The following DAZAP1 variants were observed in gnomAD, a reference collection of about 807,000 sequenced individuals.
DAZAP1 encodes the protein DAZ-associated protein 1.
DAZAP1 carries 6 observed loss-of-function variants against 60.1 expected under a neutral mutation model. The observed-to-expected ratio is 0.10, with a 90% confidence interval of 0.05 to 0.20. DAZAP1 has a LOEUF of 0.20. Ranked by LOEUF, DAZAP1 falls within the 10% of genes least tolerant of loss-of-function variation. The pLI, the probability that DAZAP1 is intolerant of heterozygous loss-of-function variation, is 1.00. For synonymous variants in DAZAP1, 235 were observed against 215.9 expected (o/e 1.09, Z -0.78); for missense variants, 366 against 560.4 (o/e 0.65, Z 3.50).
In DAZAP1 at chr19:1,411,124, C is replaced by T. The variant is rs556296105; in HGVS notation, c.29+3322C>T. On this transcript the variant is annotated intron_variant, in intron 1 of 11. Coordinates refer to ENST00000233078, the MANE Select transcript of DAZAP1 (RefSeq NM_018959.4). ...GATTGTTGGTCAGGCCAGAGAGGGCCGTGATCTGGGGGAGGCTGTTGCAGT... is the reference window on the plus strand; with the variant it reads ...GATTGTTGGTCAGGCCAGAGAGGGCTGTGATCTGGGGGAGGCTGTTGCAGT... 2.0e-5 allele frequency among the ~76,000 whole-genome samples: 3 copies of T among 152,304 alleles called. No individual in the cohort carries two copies. In the South Asian group the frequency reaches 6.2e-4, roughly 32 times the overall value.
At chr19:1,429,541 G>A (rs963832087) in intron 8 of DAZAP1, among the ~76,000 whole-genome samples, 7 of 152,150 alleles carry the variant, frequency 4.6e-5, no homozygotes, top group African/African-American at 1.4e-4. Context: ...CCAGATGTAC[G>A]TCGTCCGGGT....
At chr19:1,408,566 G>T (rs1165498304) in intron 1 of DAZAP1, among the ~76,000 whole-genome samples, 1 of 152,246 alleles carries the variant, frequency 6.6e-6, no homozygotes, top group Admixed American at 6.5e-5. Context: ...GTCGGGAGGG[G>T]TTCGCAAACC....
At position 1,425,520 on chromosome 19, in the gene DAZAP1, TAGCGATGGA is replaced by T. The variant is rs1456709302; in HGVS notation, c.464-357_464-349del. Among the ~76,000 whole-genome samples, 2 of 152,222 alleles carry T rather than the reference TAGCGATGGA, an allele frequency of 1.3e-5. No homozygotes were observed. Among genetic ancestry groups the T allele is most frequent in the Non-Finnish European group, 2.9e-5 (2 of 68,036 alleles). On this transcript the variant is annotated intron_variant, in intron 6 of 11. Coordinates refer to ENST00000233078, the MANE Select transcript of DAZAP1 (RefSeq NM_018959.4). The surrounding 1 kb of genome is among the most constrained non-coding windows in gnomAD (Gnocchi z 5.4). ...CCCTGGGGGGCGCTTTGTCTGCCAG[TAGCGATGGA>T]GGCCCTCACCGTTCCCCTGTCTCCG... is the stretch of plus-strand genomic sequence containing the variant.
At chr19:1,414,589 AC>A (rs2082919909) in intron 1 of DAZAP1, among the ~76,000 whole-genome samples, 1 of 151,920 alleles carries the variant, frequency 6.6e-6, no homozygotes, top group Non-Finnish European at 1.5e-5. Context: ...TACTAAAAAT[AC>A]AAAAATTAGC....
chr19:1,409,458 C>G (rs1437328112), intron 1 of DAZAP1, among the ~76,000 whole-genome samples: 2 of 152,176 alleles, frequency 1.3e-5, no homozygotes, highest in African/African-American at 4.8e-5. Flanking sequence ...TGGAGGGGTC[C>G]CACCCACAGC....
At position 1,435,580 on chromosome 19, in the gene DAZAP1, G is replaced by C. The variant is rs983061065; in HGVS notation, c.*668G>C. 5 of 152,286 alleles carry C rather than the reference G, an allele frequency of 3.3e-5. No individual in the cohort carries two copies. The highest frequency in any genetic ancestry group is 6.5e-5 in the Admixed American group (1 of 15,290). 9.4% of individuals were successfully genotyped at this position (152,286 alleles called of 1,614,324 possible). On this transcript the variant is annotated 3_prime_UTR_variant, in exon 12 of 12. Coordinates refer to ENST00000233078, the MANE Select transcript of DAZAP1 (RefSeq NM_018959.4). ...CGTGGATCCCACGCAGCGCTGAACC[G>C]AACCGAGTAGGAAGCCTTTCTCCCC...
rs1201170293 is a variant in DAZAP1 at position 1,434,913 on chromosome 19, C to G, written c.*1C>G. 8.3e-6 allele frequency: 12 copies of G among 1,452,254 alleles called. No individual in the cohort carries two copies. The highest frequency in any genetic ancestry group is 5.4e-6 in the Non-Finnish European group (6 of 1,101,402). 90.0% of individuals were successfully genotyped at this position (1,452,254 alleles called of 1,614,324 possible). On this transcript the variant is annotated 3_prime_UTR_variant, in exon 12 of 12. Coordinates refer to ENST00000233078, the MANE Select transcript of DAZAP1 (RefSeq NM_018959.4). The surrounding 1 kb of genome is among the most constrained non-coding windows in gnomAD (Gnocchi z 8.0). ...AGGGTTCCACCCCTACCGACGCTAG[C>G]CCGCGGCGCCGCGACGTCTGCACGG...
rs916358011 is a variant in DAZAP1 at position 1,432,400 on chromosome 19, G to T, written c.872-114G>T. 2.7e-5 allele frequency: 30 copies of T among 1,118,916 alleles called. No homozygotes were observed. Among genetic ancestry groups the T allele is most frequent in the Middle Eastern group, 2.0e-4 (1 of 5,050 alleles). The allele number at this position is 1,118,916 out of a possible 1,614,324, so 69.3% of individuals were successfully genotyped here. A position where few individuals can be genotyped will look rare whatever the true frequency, so the allele number is the denominator to read the frequency against. On this transcript the variant is annotated intron_variant, in intron 10 of 11. Transcript: ENST00000233078. This position sits in a 1 kb window ranked among gnomAD's most constrained non-coding sequence, Gnocchi z 4.9. ...TCCACAAGGCCTGGGCGTTCTGTGG[G>T]TTTGGGTGGCAGTCCCGTCTGGGCA...
chr19:1,433,826 A>G lies in DAZAP1; in HGVS notation c.1049-911A>G. On this transcript the variant is annotated intron_variant, in intron 11 of 11. Transcript: ENST00000233078. The surrounding 1 kb of genome is among the most constrained non-coding windows in gnomAD (Gnocchi z 6.1). The stretch of plus-strand genomic sequence containing the variant: ...GTCAGGCTGAGCAGTGATGTGGCCT[A>G]GGTAGGTGCCGCCTCCTTCTCCAGG... 2 of 1,613,572 alleles carry G rather than the reference A, an allele frequency of 1.2e-6. No individual in the cohort carries two copies. The highest frequency in any genetic ancestry group is 1.7e-6 in the Non-Finnish European group (2 of 1,179,632).
intron 7 of DAZAP1, chr19:1,427,274 G>A (rs2083327887): frequency 6.6e-6 from 1 of 152,342 alleles, no homozygotes; most frequent in Non-Finnish European, 1.5e-5. Context: ...GGCAGAAAGA[G>A]CTCTGTACAG....
In DAZAP1 at chr19:1,407,628, C is replaced by T. The variant is rs2082702006; in HGVS notation, c.-146C>T. 7.2e-6 allele frequency: 5 copies of T among 690,938 alleles called. No homozygotes were observed. The South Asian group carries it at 2.4e-4, about 34-fold the overall frequency. 42.8% of individuals were successfully genotyped at this position (690,938 alleles called of 1,614,324 possible). A position where few individuals can be genotyped will look rare whatever the true frequency, so the allele number is the denominator to read the frequency against. On this transcript the variant is annotated 5_prime_UTR_variant, in exon 1 of 12. Coordinates refer to ENST00000233078, the MANE Select transcript of DAZAP1 (RefSeq NM_018959.4). ...GCCGAGGGGAGGAGGCAGCCGCCGCCGCCGCCGCCGCCGCCGCCGCCGCCG... is the reference window on the plus strand; with the variant it reads ...GCCGAGGGGAGGAGGCAGCCGCCGCTGCCGCCGCCGCCGCCGCCGCCGCCG...
At chr19:1,408,606 G>A (rs1600171429) in intron 1 of DAZAP1, among the ~76,000 whole-genome samples, 2 of 152,212 alleles carry the variant, frequency 1.3e-5, no homozygotes, top group Admixed American at 6.5e-5. Context: ...GTCAGCCGGG[G>A]CCTGCTGTGT....
At chr19:1,427,512 G>A (rs777017179) in intron 7 of DAZAP1, 5 of 152,278 alleles carry the variant, frequency 3.3e-5, no homozygotes, top group Admixed American at 6.5e-5. Flanking sequence ...GTTTGGTACC[G>A]CGTGGTAGTT....
chr19:1,420,519 CAGG>C (rs1265075918), intron 4 of DAZAP1, among the ~76,000 whole-genome samples: 1 of 150,398 alleles, frequency 6.6e-6, no homozygotes, highest in Non-Finnish European at 1.5e-5. Context: ...TGGGTGGGGG[CAGG>C]AGGAGAGCAG....
Position 1,430,270 on chromosome 19 carries a change from C to CCCCCATAA in DAZAP1, c.779_780insCCCCATAA (p.Phe262IlefsTer76). The CCCCCATAA allele has an allele frequency of 7.3e-7, 1 of 1,368,650 alleles. No individual in the cohort carries two copies. Among genetic ancestry groups the CCCCCATAA allele is most frequent in the Non-Finnish European group, 1.0e-6 (1 of 979,204 alleles). The allele number at this position is 1,368,650 out of a possible 1,614,324, so 84.8% of individuals were successfully genotyped here. A position where few individuals can be genotyped will look rare whatever the true frequency, so the allele number is the denominator to read the frequency against. ...GGAAGAGGAGCCCCCCCGCCACCCC[C>CCCCCATAA]ACCGTTCACCTCCTACATCGTGTCC... On this transcript the variant is annotated frameshift_variant, in exon 10 of 12. Transcript: ENST00000233078. LOFTEE classifies it high-confidence loss of function.
At chr19:1,424,736 G>A (rs1275818937) in intron 6 of DAZAP1, among the ~76,000 whole-genome samples, 3 of 152,258 alleles carry the variant, frequency 2.0e-5, no homozygotes, top group East Asian at 1.9e-4. Flanking sequence ...TGCCTCTGGC[G>A]CGGGCAGCCC....
chr19:1,421,557 G>A (rs1013545870), intron 5 of DAZAP1, among the ~76,000 whole-genome samples: 2 of 152,266 alleles, frequency 1.3e-5, no homozygotes, highest in African/African-American at 4.8e-5. Context: ...GAGAAGGGCA[G>A]TTACACAGAA....
rs1244728078 is a variant in DAZAP1, at chr19:1,432,695, G to T, written c.1048+5G>T. 6.3e-7 allele frequency: 1 copy of T among 1,588,232 alleles called. No individual in the cohort carries two copies. Reference sequence around the variant, plus strand: ...ACTTCCCCTATGGTCAGTATGGTAAGTGGTCTCCTGCCATGCCGCGTCCCC... The same window carrying T: ...ACTTCCCCTATGGTCAGTATGGTAATTGGTCTCCTGCCATGCCGCGTCCCC... On this transcript the variant is annotated splice_donor_5th_base_variant and intron_variant, in intron 11 of 11. Coordinates refer to ENST00000233078, the MANE Select transcript of DAZAP1 (RefSeq NM_018959.4). This position sits in a 1 kb window ranked among gnomAD's most constrained non-coding sequence, Gnocchi z 4.9.
At chr19:1,419,139 G>A (rs1279509595) in intron 4 of DAZAP1, among the ~76,000 whole-genome samples, 5 of 152,200 alleles carry the variant, frequency 3.3e-5, no homozygotes, top group Non-Finnish European at 7.4e-5. Flanking sequence ...GAGATCCCCT[G>A]ACGTGGCAAC....
Sources: allele counts gnomAD v4.1 joint callset (sites outside exome capture counted in the v4.1 genomes callset), GRCh38; gene constraint gnomAD v4.1.1; non-coding constraint Gnocchi (gnomAD v3.1); transcripts MANE v1.5; gene names NCBI Gene and HGNC (gene_info 2026-07-23, HGNC 2026-07-21).